Variants in BICRA observed in about 807,000 individuals in gnomAD.
BICRA encodes the protein BRD4-interacting chromatin-remodeling complex-associated protein.
A neutral mutation model predicts 96.9 loss-of-function variants in BICRA; 31 were observed. The observed-to-expected ratio is 0.32, with a 90% confidence interval of 0.24 to 0.43. The LOEUF (loss-of-function observed/expected upper bound fraction) is 0.43, where lower values mean the gene tolerates loss of function less well. Ranked by LOEUF, BICRA falls within the 20% of genes least tolerant of loss-of-function variation. The pLI is 1.00. For synonymous variants in BICRA, 1,350 were observed against 1,071.8 expected, an observed-to-expected ratio of 1.26 and a Z score of -5.07; for missense variants, 2,283 against 2,190.3, an observed-to-expected ratio of 1.04 and a Z score of -0.84.
intron 9 of BICRA, 23 bp downstream of exon 9, chr19:47,695,103 G>A: frequency 6.8e-7 from 1 of 1,464,182 alleles, no homozygotes; most frequent in Non-Finnish European, 9.0e-7. Context: ...TCGCCTATGT[G>A]CCCAGGGAGA....
At chr19:47,687,466 G>A (rs1344628298) in intron 7 of BICRA, among the ~76,000 whole-genome samples, 1 of 152,062 alleles carries the variant, frequency 6.6e-6, no homozygotes, top group East Asian at 1.9e-4. Flanking sequence ...AATACTTCAG[G>A]TGGTTTATTT....
At chr19:47,664,144 A>T in intron 1 of BICRA, among the ~76,000 whole-genome samples, 1 of 152,210 alleles carries the variant, frequency 6.6e-6, no homozygotes, top group Admixed American at 6.6e-5. Flanking sequence ...TCAGCAAATG[A>T]TATCGTTCTG....
rs754074615 is a variant in BICRA, at chr19:47,680,845, G to A, written c.1675G>A (p.Val559Met). 17 of 1,586,506 alleles carry A rather than the reference G, an allele frequency of 1.1e-5. 1 individual carries two copies. In the Admixed American group the frequency reaches 2.8e-4, roughly 26 times the overall value. ...VGQPALFQMPVSLAAGSLPTQ... is the reference protein window; with the variant it reads ...VGQPALFQMPMSLAAGSLPTQ... ...CCAGCCTGCGCTCTTCCAGATGCCC[G>A]TGTCGCTGGCGGCGGGCAGCCTGCC... Residue 559 changes from valine (V) to methionine (M), a missense_variant, in exon 6 of 15, where the codon GTG becomes ATG. By Grantham distance (21) the Val-to-Met change is conservative. Transcript: ENST00000594866.
In BICRA at chr19:47,702,724, C is replaced by G. The variant is rs763490993; in HGVS notation, c.*309C>G. The G allele has an allele frequency of 2.5e-6, 1 of 406,534 alleles. No individual in the cohort carries two copies. The highest frequency in any genetic ancestry group is 4.4e-6 in the Non-Finnish European group (1 of 229,238). 25.2% of individuals were successfully genotyped at this position (406,534 alleles called of 1,614,324 possible). ...TCTGCCCCTCTGTCCGGGGGACACG[C>G]GCATGTGTTTGCCAGGGATGGGGCC... On this transcript the variant is annotated 3_prime_UTR_variant, in exon 15 of 15. Transcript: ENST00000594866.
At chr19:47,691,712 C>T (rs1015231474) in intron 7 of BICRA, among the ~76,000 whole-genome samples, 3 of 152,036 alleles carry the variant, frequency 2.0e-5, no homozygotes, top group Non-Finnish European at 4.4e-5. Flanking sequence ...TACAGGCACA[C>T]ATCGCACCCT....
chr19:47,694,475 T>G lies in BICRA; in HGVS notation c.2644T>G (p.Ser882Ala). 2.3e-6 allele frequency: 1 copy of G among 443,228 alleles called. No individual in the cohort carries two copies. Among genetic ancestry groups the G allele is most frequent in the Non-Finnish European group, 4.0e-6 (1 of 251,638 alleles). The allele number at this position is 443,228 out of a possible 1,614,324, so 27.5% of individuals were successfully genotyped here. The change falls in exon 8 of 15, where the codon TCC becomes GCC. Residue 882 changes from serine to alanine, a missense_variant. By Grantham distance (99) the Ser-to-Ala change is moderately conservative. Coordinates refer to ENST00000594866, the MANE Select transcript of BICRA (RefSeq NM_001394372.1). ...GCCCCCAGCCCCCCACCTCCCTCCATCCTCCACCTCCTCTGCTGTGGCCTC... is the reference window on the plus strand; with the variant it reads ...GCCCCCAGCCCCCCACCTCCCTCCAGCCTCCACCTCCTCTGCTGTGGCCTC... ...PLPPAPHLPP[S>A]STSSAVASSS...
intron 4 of BICRA, among the ~76,000 whole-genome samples, chr19:47,674,678 T>C (rs1972915430): frequency 6.6e-6 from 1 of 152,174 alleles, no homozygotes; most frequent in East Asian, 1.9e-4. Context: ...CAGATGTGCT[T>C]CCACCAGGAC....
At position 47,614,577 on chromosome 19, in the gene BICRA, A is replaced by G. The variant is rs548853380; in HGVS notation, c.-108+5409A>G. Among the ~76,000 whole-genome samples the G allele has an allele frequency of 2.5e-4, 38 of 152,348 alleles. No homozygotes were observed. In the South Asian group the frequency reaches 3.1e-3, roughly 13 times the overall value. On this transcript the variant is annotated intron_variant, in intron 1 of 14. Transcript: ENST00000594866. ...GGTTGCGGTGAGCCGAGATTGCGGT[A>G]GCACTGCACTCCACTCCAGCCTGGG...
Position 47,701,721 on chromosome 19 carries a change from T to A in BICRA, c.3989T>A (p.Val1330Glu), listed in dbSNP as rs912165642. 6.9e-6 allele frequency: 11 copies of A among 1,586,966 alleles called. No homozygotes were observed. In the African/African-American group the frequency reaches 1.3e-4, roughly 19 times the overall value. Residue 1330 changes from valine (V) to glutamate (E), a missense_variant, in exon 15 of 15, where the codon GTG becomes GAG. Transcript: ENST00000594866. The surrounding 1 kb of genome is among the most constrained non-coding windows in gnomAD (Gnocchi z 5.4). ...GTGCACAACACGGCCCTGGACCCCG[T>A]GCACCAGCCCCCGCCACCCCCCGCT... ...KVVHNTALDPVHQPPPPPATL... is the reference protein window; with the variant it reads ...KVVHNTALDPEHQPPPPPATL...
At position 47,629,221 on chromosome 19, in the gene BICRA, T is replaced by C. The variant is rs549173997; in HGVS notation, c.-108+20053T>C. 7.9e-5 allele frequency among the ~76,000 whole-genome samples: 12 copies of C among 152,040 alleles called. 1 individual carries two copies. In the South Asian group the frequency reaches 1.9e-3, roughly 24 times the overall value. ...GGTTTCACCGTGTTAGCCAGGATAG[T>C]CTCAATCTCCTGACCTCATGATCCA... On this transcript the variant is annotated intron_variant, in intron 1 of 14. Transcript: ENST00000594866.
In BICRA at chr19:47,694,265, C is replaced by G. The variant is rs774210917; in HGVS notation, c.2434C>G (p.Arg812Gly). Residue 812 changes from arginine to glycine, a missense_variant, in exon 8 of 15, where the codon CGC (arginine) becomes GGC (glycine). By Grantham distance (125) the Arg-to-Gly change is moderately radical (BLOSUM62 -2). Transcript: ENST00000594866. ...RPPSRPQSVS[R>G]PPSEPPLHPC... ...ACCCTCCCGGCCACAGAGTGTGTCC[C>G]GCCCTCCCTCAGAGCCACCCTTGCA... 1 of 606,092 alleles carries G rather than the reference C, an allele frequency of 1.6e-6. No homozygotes were observed. Among genetic ancestry groups the G allele is most frequent in the Non-Finnish European group, 2.6e-6 (1 of 388,180 alleles). The allele number at this position is 606,092 out of a possible 1,614,324, so 37.5% of individuals were successfully genotyped here.
rs140281870 is a variant in BICRA, at chr19:47,671,940, G to T, written c.-6+1396G>T. Among the ~76,000 whole-genome samples the T allele has an allele frequency of 4.7e-3, 636 of 134,988 alleles. 1 individual carries two copies. Among genetic ancestry groups the T allele is most frequent in the African/African-American group, 0.017 (600 of 36,256 alleles). 88.6% of individuals were successfully genotyped at this position (134,988 alleles called of 152,430 possible). A position where few individuals can be genotyped will look rare whatever the true frequency, so the allele number is the denominator to read the frequency against. On this transcript the variant is annotated intron_variant, in intron 2 of 14. Transcript: ENST00000594866. ...AAGTAGATGGGTGGAAGGATGGAGG[G>T]ATGGGTGGGTAGATGGATGGAAGGA...
intron 1 of BICRA, among the ~76,000 whole-genome samples, chr19:47,628,054 C>T (rs894625164): frequency 1.3e-5 from 2 of 152,192 alleles, no homozygotes; most frequent in Admixed American, 6.5e-5. Context: ...AGGTGTGAGC[C>T]ACCGCGCCGG....
At chr19:47,648,299 G>A (rs559904970) in intron 1 of BICRA, among the ~76,000 whole-genome samples, 4 of 151,942 alleles carry the variant, frequency 2.6e-5, no homozygotes, top group African/African-American at 4.8e-5. Context: ...GTTTCTGGTC[G>A]GCCTGTGGAT....
At chr19:47,681,868 C>G in intron 6 of BICRA, 108 bp from the exon 7 acceptor site, 1 of 782,104 alleles carries the variant, frequency 1.3e-6, no homozygotes, top group Non-Finnish European at 2.0e-6. Context: ...TGCCCACTAC[C>G]CCATTCTCTG....
intron 7 of BICRA, among the ~76,000 whole-genome samples, chr19:47,693,474 C>T (rs1366994610): frequency 1.3e-5 from 2 of 152,224 alleles, no homozygotes; most frequent in Admixed American, 6.5e-5. Flanking sequence ...GGGGTCCAGG[C>T]CTTCCCATGC....
At chr19:47,684,482 T>C (rs1296552395) in intron 7 of BICRA, among the ~76,000 whole-genome samples, 1 of 152,158 alleles carries the variant, frequency 6.6e-6, no homozygotes, top group Non-Finnish European at 1.5e-5. Flanking sequence ...CATGCCTGGC[T>C]AATTTCTATA....
chr19:47,653,527 C>T (rs1009686654), intron 1 of BICRA, among the ~76,000 whole-genome samples: 4 of 152,158 alleles, frequency 2.6e-5, no homozygotes, highest in Admixed American at 6.6e-5. Flanking sequence ...TCTCCCTCCC[C>T]GCAGTCCTTA....
chr19:47,694,358 G>A lies in BICRA; in HGVS notation c.2527G>A (p.Val843Ile), dbSNP rs1307455757. 8 of 1,282,192 alleles carry A rather than the reference G, an allele frequency of 6.2e-6. No individual in the cohort carries two copies. Among genetic ancestry groups the A allele is most frequent in the East Asian group, 2.5e-5 (1 of 39,364 alleles). The allele number at this position is 1,282,192 out of a possible 1,614,324, so 79.4% of individuals were successfully genotyped here. A position where few individuals can be genotyped will look rare whatever the true frequency, so the allele number is the denominator to read the frequency against. ...GIFVIQNQLG[V>I]PPPASNPAPT... ...CTTTGTCATCCAAAACCAGCTAGGC[G>A]TTCCCCCGCCTGCCAGCAACCCGGC... Residue 843 changes from valine to isoleucine, a missense_variant, in exon 8 of 15, where the codon GTT becomes ATT. By Grantham distance (29) the Val-to-Ile change is conservative (BLOSUM62 3). Coordinates refer to ENST00000594866, the MANE Select transcript of BICRA (RefSeq NM_001394372.1).
Sources: gnomAD v4.1 joint callset for allele counts (sites outside exome capture counted in the v4.1 genomes callset) on GRCh38, gnomAD v4.1.1 for gene constraint, Gnocchi (gnomAD v3.1) non-coding constraint, MANE v1.5 for transcripts, NCBI Gene and HGNC (gene_info 2026-07-23, HGNC 2026-07-21) for gene names.